Variants in NDST1 observed in about 807,000 individuals in gnomAD.
NDST1 encodes the protein N-deacetylase and N-sulfotransferase 1.
Under a neutral mutation model 92.8 loss-of-function variants are expected in NDST1, and 35 were observed. The observed-to-expected ratio is 0.38, with a 90% CI of 0.29 to 0.50. The LOEUF is 0.50. NDST1 is among the 20% of genes least tolerant of loss of function. NDST1 has a pLI of 0.94. For synonymous variants in NDST1, 493 were observed against 500.3 expected, an observed-to-expected ratio of 0.99 and a Z score of 0.19; for missense variants, 822 against 1,182.7, an observed-to-expected ratio of 0.69 and a Z score of 4.47.
chr5:150,555,671 G>GT lies in NDST1; in HGVS notation c.*2340dup, dbSNP rs1755854206. ...GTGAGGGGACTGGGCTGCGGGATGGGTGAGGATCTTACAGCTCCCAGGTTC... is the reference window on the plus strand; with the variant it reads ...GTGAGGGGACTGGGCTGCGGGATGGGTTGAGGATCTTACAGCTCCCAGGTTC... On this transcript the variant is annotated 3_prime_UTR_variant, in exon 15 of 15. Coordinates refer to ENST00000261797, the MANE Select transcript of NDST1 (RefSeq NM_001543.5). 6.6e-6 allele frequency: 1 copy of GT among 152,334 alleles called. No homozygotes were observed. The highest frequency in any genetic ancestry group is 1.5e-5 in the Non-Finnish European group (1 of 68,124). 9.4% of individuals were successfully genotyped at this position (152,334 alleles called of 1,614,324 possible).
intron 11 of NDST1, 101 bp downstream of exon 11, chr5:150,545,587 T>G (rs1338354317): frequency 1.4e-6 from 2 of 1,454,864 alleles, no homozygotes; most frequent in Admixed American, 1.8e-5. Flanking sequence ...AAGCACCTAC[T>G]GTGTGCCAGC....
chr5:150,530,557 A>ATT lies in NDST1; in HGVS notation c.1008+2282_1008+2283dup, dbSNP rs71589713. On this transcript the variant is annotated intron_variant, in intron 3 of 14. Transcript: ENST00000261797. ...CTCTTATTAATTTTCCGTATTTTAA[A>ATT]TTTTTTTTTTTTTTTTTTTTTTTTG... 2.8e-3 allele frequency among the ~76,000 whole-genome samples: 350 copies of ATT among 127,116 alleles called. 1 individual carries two copies. The highest frequency in any genetic ancestry group is 4.0e-3 in the East Asian group (17 of 4,276). The allele number at this position is 127,116 out of a possible 152,430, so 83.4% of individuals were successfully genotyped here.
chr5:150,520,367 C>T (rs921135694), intron 1 of NDST1, among the ~76,000 whole-genome samples: 15 of 151,406 alleles, frequency 9.9e-5, no homozygotes, highest in Non-Finnish European at 2.9e-5. Context: ...GTCTTTTCAT[C>T]TATCATATGG....
chr5:150,539,810 C>A, intron 7 of NDST1: 1 of 982,848 alleles, frequency 1.0e-6, no homozygotes, highest in Non-Finnish European at 1.2e-6. Flanking sequence ...TCCATGCACC[C>A]CACCCCTAAC....
chr5:150,515,339 T>A (rs982840907), intron 1 of NDST1, among the ~76,000 whole-genome samples: 1 of 152,224 alleles, frequency 6.6e-6, no homozygotes, highest in Non-Finnish European at 1.5e-5. Context: ...ATCTCCTGAT[T>A]TAAAAATGTT....
At chr5:150,518,081 C>A (rs1413343463) in intron 1 of NDST1, among the ~76,000 whole-genome samples, 1 of 152,208 alleles carries the variant, frequency 6.6e-6, no homozygotes, top group Non-Finnish European at 1.5e-5. Context: ...CTCCTTCTTG[C>A]CCTGCTCTCA....
intron 1 of NDST1, among the ~76,000 whole-genome samples, chr5:150,515,810 G>A (rs1351738319): frequency 6.6e-6 from 1 of 152,168 alleles, no homozygotes; most frequent in African/African-American, 2.4e-5. Context: ...CTTACCTCTT[G>A]AGCCACGGGA....
intron 1 of NDST1, among the ~76,000 whole-genome samples, chr5:150,501,014 C>T (rs553393245): frequency 6.6e-6 from 1 of 152,186 alleles, no homozygotes; most frequent in Non-Finnish European, 1.5e-5. Flanking sequence ...AATGAACCAT[C>T]GTCACAGCCA....
In NDST1 at chr5:150,549,674, C is replaced by G. The variant is rs186262357; in HGVS notation, c.2317-4C>G. On this transcript the variant is annotated splice_region_variant and splice_polypyrimidine_tract_variant and intron_variant, in intron 12 of 14. Coordinates refer to ENST00000261797, the MANE Select transcript of NDST1 (RefSeq NM_001543.5). ...AGGTCCCGATCCCCTTTCTCCCTTT[C>G]CAGATTCTGGTCTTGGATGGCAAAC... is the stretch of plus-strand genomic sequence containing the variant. 7.7e-5 allele frequency: 124 copies of G among 1,603,446 alleles called. No individual in the cohort carries two copies. In the East Asian group the frequency reaches 2.0e-3, roughly 26 times the overall value.
chr5:150,548,692 G>A (rs1241737545), intron 12 of NDST1, among the ~76,000 whole-genome samples: 1 of 152,014 alleles, frequency 6.6e-6, no homozygotes. Flanking sequence ...GTGAGCCACT[G>A]TACCCAGCTA....
intron 3 of NDST1, among the ~76,000 whole-genome samples, 189 bp downstream of exon 3, chr5:150,528,487 T>A (rs1268277088): frequency 6.6e-6 from 1 of 152,218 alleles, no homozygotes; most frequent in Non-Finnish European, 1.5e-5. Flanking sequence ...GCAAGTATCA[T>A]TTAAAACTTG....
intron 9 of NDST1, 95 bp from the exon 10 acceptor site, chr5:150,542,753 C>G: frequency 6.6e-7 from 1 of 1,524,438 alleles, no homozygotes; most frequent in Middle Eastern, 1.7e-4. Flanking sequence ...TCCCAGGAGC[C>G]CCCAGTGGGT....
In NDST1 at chr5:150,556,791, C is replaced by G. The variant is rs1430341602; in HGVS notation, c.*3459C>G. The G allele has an allele frequency of 1.3e-5, 2 of 152,602 alleles. No homozygotes were observed. The highest frequency in any genetic ancestry group is 6.5e-5 in the Admixed American group (1 of 15,278). 9.5% of individuals were successfully genotyped at this position (152,602 alleles called of 1,614,324 possible). A position where few individuals can be genotyped will look rare whatever the true frequency, so the allele number is the denominator to read the frequency against. ...CTATCTAATCTGTATTCAAATCCCC[C>G]CAATTGTCTCCCAGGTAACTTATGT... On this transcript the variant is annotated 3_prime_UTR_variant, in exon 15 of 15. Coordinates refer to ENST00000261797, the MANE Select transcript of NDST1 (RefSeq NM_001543.5).
At chr5:150,517,621 T>C (rs10074582) in intron 1 of NDST1, among the ~76,000 whole-genome samples, 51,176 of 152,084 alleles carry the variant, frequency 0.34, 9,074 homozygotes, top group African/African-American at 0.44. Flanking sequence ...CAAAAAAATT[T>C]TCTTTGCTCC....
upstream of NDST1, among the ~76,000 whole-genome samples, chr5:150,507,266 C>CTTTT (rs377397910): frequency 6.8e-6 from 1 of 146,840 alleles, no homozygotes; most frequent in African/African-American, 2.5e-5. Context: ...ATAAACATAC[C>CTTTT]TTTTTTTTTT....
At chr5:150,539,736 T>C (rs533053194) in intron 7 of NDST1, 36 of 985,242 alleles carry the variant, frequency 3.7e-5, no homozygotes, top group Middle Eastern at 1.0e-3. Flanking sequence ...TCTGCTTTAA[T>C]AATATTAAAT....
At position 150,520,980 on chromosome 5, in the gene NDST1, T is replaced by G. The variant is rs1434028784; in HGVS notation, c.-275T>G. On this transcript the variant is annotated 5_prime_UTR_variant, in exon 2 of 15. Transcript: ENST00000261797. ...AGAAGGCCCTGACGCCCTGGGGCAC[T>G]TCTGCTCTGCACAGGACCACGCGGG... is the stretch of plus-strand genomic sequence containing the variant. 1 of 573,150 alleles carries G rather than the reference T, an allele frequency of 1.7e-6. No individual in the cohort carries two copies. Among genetic ancestry groups the G allele is most frequent in the Non-Finnish European group, 3.1e-6 (1 of 324,368 alleles). 35.5% of individuals were successfully genotyped at this position (573,150 alleles called of 1,614,324 possible).
intron 2 of NDST1, among the ~76,000 whole-genome samples, chr5:150,525,320 C>CA (rs1255961449): frequency 1.3e-5 from 2 of 152,208 alleles, no homozygotes; most frequent in Non-Finnish European, 2.9e-5. Flanking sequence ...ACTGAGCCTC[C>CA]AGCACCTGGC....
At chr5:150,539,814 C>T in intron 7 of NDST1, 2 of 982,660 alleles carry the variant, frequency 2.0e-6, no homozygotes, top group Non-Finnish European at 2.4e-6. Flanking sequence ...TGCACCCCAC[C>T]CCTAACATTT....
Sources: allele counts gnomAD v4.1 joint callset (sites outside exome capture counted in the v4.1 genomes callset), GRCh38; gene constraint gnomAD v4.1.1; transcripts MANE v1.5; gene names NCBI Gene and HGNC (gene_info 2026-07-23, HGNC 2026-07-21).